The following EFNA5 variants were observed in gnomAD, a reference collection of about 807,000 sequenced individuals.
The protein encoded by EFNA5 is ephrin A5.
A neutral mutation model predicts 22.9 loss-of-function variants in EFNA5; 5 were observed. That is an observed-to-expected ratio of 0.22 (90% CI 0.11 to 0.46). The LOEUF (loss-of-function observed/expected upper bound fraction) is 0.46, where lower values mean the gene tolerates loss of function less well. EFNA5 is among the 20% of genes least tolerant of loss of function. EFNA5 has a pLI of 0.99. For synonymous variants in EFNA5, 113 were observed against 112.2 expected (o/e 1.01, Z -0.04); for missense variants, 237 against 293.3 (o/e 0.81, Z 1.40).
intron 1 of EFNA5, among the ~76,000 whole-genome samples, chr5:107,589,186 A>G (rs1749263689): frequency 6.6e-6 from 1 of 152,204 alleles, no homozygotes. Flanking sequence ...AAGCCAACTG[A>G]ATTATGCTTG....
intron 2 of EFNA5, among the ~76,000 whole-genome samples, chr5:107,397,535 G>A (rs547744996): frequency 1.4e-5 from 2 of 141,182 alleles, no homozygotes; most frequent in South Asian, 2.3e-4. Context: ...GTGACAGAGT[G>A]AGACTCCATC....
chr5:107,619,220 C>T (rs1424344310), intron 1 of EFNA5, among the ~76,000 whole-genome samples: 6 of 150,694 alleles, frequency 4.0e-5, no homozygotes, highest in African/African-American at 1.2e-4. Flanking sequence ...CCACCGCACC[C>T]GGCCAGTTGT....
intron 1 of EFNA5, among the ~76,000 whole-genome samples, chr5:107,473,283 G>A (rs1407446111): frequency 7.5e-6 from 1 of 133,048 alleles, no homozygotes; most frequent in Admixed American, 7.7e-5. Context: ...TTTTTTTTCA[G>A]TCTGAGTCTA....
At chr5:107,587,690 TG>T (rs1240091011) in intron 1 of EFNA5, among the ~76,000 whole-genome samples, 30 of 152,186 alleles carry the variant, frequency 2.0e-4, no homozygotes, top group African/African-American at 6.8e-4. Context: ...CTAATTTTTT[TG>T]TATTTTTAGT....
intron 2 of EFNA5, among the ~76,000 whole-genome samples, chr5:107,398,674 C>A (rs953147126): frequency 6.6e-6 from 1 of 151,510 alleles, no homozygotes; most frequent in African/African-American, 2.4e-5. Flanking sequence ...TGGCAAGACC[C>A]TGTCTCTATA....
At chr5:107,453,597 G>A (rs1749616175) in intron 1 of EFNA5, among the ~76,000 whole-genome samples, 1 of 152,138 alleles carries the variant, frequency 6.6e-6, no homozygotes, top group South Asian at 2.1e-4. Context: ...TTTTGGAGTT[G>A]ACTAGGTGAT....
intron 1 of EFNA5, among the ~76,000 whole-genome samples, chr5:107,473,852 G>A (rs1750210882): frequency 1.3e-5 from 2 of 151,924 alleles, no homozygotes; most frequent in African/African-American, 2.4e-5. Context: ...GTAGAGATGG[G>A]GTTCCACCAT....
At chr5:107,456,017 T>A (rs1156649269) in intron 1 of EFNA5, among the ~76,000 whole-genome samples, 1 of 152,202 alleles carries the variant, frequency 6.6e-6, no homozygotes, top group Non-Finnish European at 1.5e-5. Context: ...TTAACAGTTT[T>A]AGCTTTGACA....
intron 1 of EFNA5, among the ~76,000 whole-genome samples, chr5:107,579,036 G>A (rs1748986110): frequency 6.6e-6 from 1 of 152,108 alleles, no homozygotes; most frequent in Admixed American, 6.5e-5. Flanking sequence ...TCCACATGAA[G>A]CACACTGTGG....
chr5:107,538,687 A>T (rs1215811979), intron 1 of EFNA5, among the ~76,000 whole-genome samples: 1 of 152,224 alleles, frequency 6.6e-6, no homozygotes, highest in Non-Finnish European at 1.5e-5. Context: ...TTGGAGATAC[A>T]AATTTCACCA....
chr5:107,469,924 T>C (rs1368436524), intron 1 of EFNA5, among the ~76,000 whole-genome samples: 1 of 152,158 alleles, frequency 6.6e-6, no homozygotes, highest in Non-Finnish European at 1.5e-5. Flanking sequence ...CAATGAAATA[T>C]GAAGAGGTGA....
chr5:107,398,879 T>TAAAA (rs1748003518), intron 2 of EFNA5, among the ~76,000 whole-genome samples: 1 of 139,358 alleles, frequency 7.2e-6, no homozygotes, highest in Non-Finnish European at 1.6e-5. Context: ...AAAAAAAATC[T>TAAAA]TCTAGCTGCA....
intron 1 of EFNA5, among the ~76,000 whole-genome samples, chr5:107,657,383 T>A (rs192939296): frequency 6.6e-6 from 1 of 152,200 alleles, no homozygotes; most frequent in Non-Finnish European, 1.5e-5. Context: ...TCTATGAGAA[T>A]CATAAAACTG....
chr5:107,580,672 G>A (rs11959106), intron 1 of EFNA5, among the ~76,000 whole-genome samples: 3,288 of 140,628 alleles, frequency 0.023, 139 homozygotes, highest in African/African-American at 0.083. Flanking sequence ...GCAGTGAGCC[G>A]AGATGCGCCA....
chr5:107,552,312 A>G (rs1748316797), intron 1 of EFNA5, among the ~76,000 whole-genome samples: 1 of 152,218 alleles, frequency 6.6e-6, no homozygotes, highest in African/African-American at 2.4e-5. Flanking sequence ...GATAATAATA[A>G]TAACTGCTAA....
At chr5:107,504,101 C>G (rs372658768) in intron 1 of EFNA5, among the ~76,000 whole-genome samples, 1 of 152,046 alleles carries the variant, frequency 6.6e-6, no homozygotes, top group African/African-American at 2.4e-5. Flanking sequence ...CTATTTTCTT[C>G]GAGCATTTTG....
intron 1 of EFNA5, among the ~76,000 whole-genome samples, chr5:107,434,538 G>T (rs1456523667): frequency 2.0e-5 from 3 of 152,214 alleles, no homozygotes; most frequent in Non-Finnish European, 4.4e-5. Context: ...GCTGGAAAAG[G>T]AAGGGTATGG....
intron 1 of EFNA5, among the ~76,000 whole-genome samples, chr5:107,520,728 G>C (rs1030804811): frequency 6.6e-6 from 1 of 152,228 alleles, no homozygotes; most frequent in African/African-American, 2.4e-5. Flanking sequence ...TTTCGAGGAT[G>C]TGTGAGTGTT....
At chr5:107,519,073 A>G (rs2112441481) in intron 1 of EFNA5, among the ~76,000 whole-genome samples, 1 of 152,344 alleles carries the variant, frequency 6.6e-6, no homozygotes, top group South Asian at 2.1e-4. Context: ...TATGCTTTCA[A>G]CCAATGAAGA....
Sources: allele counts gnomAD v4.1 joint callset (sites outside exome capture counted in the v4.1 genomes callset), GRCh38; gene constraint gnomAD v4.1.1; transcripts MANE v1.5; gene names NCBI Gene and HGNC (gene_info 2026-07-23, HGNC 2026-07-21).